DPP6: variants seen among roughly 807,000 people sequenced by gnomAD.
DPP6 encodes the protein dipeptidyl peptidase like 6, also known as A-type potassium channel modulatory protein DPP6.
DPP6 carries 69 observed loss-of-function variants against 122.6 expected under a neutral mutation model. That is an observed-to-expected ratio of 0.56 (90% CI 0.46 to 0.69). The LOEUF is 0.69. DPP6 is among the 30% of genes least tolerant of loss of function. The probability of loss-of-function intolerance (pLI) is 0.00; values close to 1 mark genes in which losing one functional copy is unlikely to be tolerated. For synonymous variants in DPP6, 418 were observed against 433.1 expected, an observed-to-expected ratio of 0.97 and a Z score of 0.43; for missense variants, 928 against 1,116.9, an observed-to-expected ratio of 0.83 and a Z score of 2.41.
At chr7:154,846,013 C>T (rs955725881) in intron 16 of DPP6, among the ~76,000 whole-genome samples, 30 of 152,036 alleles carry the variant, frequency 2.0e-4, no homozygotes, top group African/African-American at 7.2e-4. Flanking sequence ...CCTGCAGGGC[C>T]TCTGTGGAGA....
intron 5 of DPP6, among the ~76,000 whole-genome samples, chr7:154,615,208 C>G (rs79626321): frequency 0.015 from 1,829 of 123,816 alleles, 42 homozygotes; most frequent in African/African-American, 0.045. Context: ...TCCTGACCTG[C>G]AAAATGAGGA....
intron 7 of DPP6, among the ~76,000 whole-genome samples, chr7:154,704,502 C>T (rs1840713747): frequency 6.6e-6 from 1 of 152,130 alleles, no homozygotes; most frequent in Non-Finnish European, 1.5e-5. Flanking sequence ...TACAGGAAAG[C>T]TTTTGTGAAA....
chr7:154,702,648 G>A (rs116906350), intron 7 of DPP6, among the ~76,000 whole-genome samples: 201 of 152,346 alleles, frequency 1.3e-3, no homozygotes, highest in Non-Finnish European at 2.4e-3. Context: ...GGGAGGTAAC[G>A]AGGCTATAGA....
At chr7:154,163,748 C>T (rs555915146) in intron 1 of DPP6, among the ~76,000 whole-genome samples, 1 of 152,254 alleles carries the variant, frequency 6.6e-6, no homozygotes, top group South Asian at 2.1e-4. Context: ...AGTTAATTAG[C>T]CTCTGGAGAA....
At chr7:154,040,610 C>A (rs1285707972) in intron 1 of DPP6, among the ~76,000 whole-genome samples, 1 of 151,000 alleles carries the variant, frequency 6.6e-6, no homozygotes, top group Non-Finnish European at 1.5e-5. Flanking sequence ...CCTAAACACT[C>A]ATCAAATCAT....
At chr7:154,184,682 GAAAA>G (rs11317493) in intron 1 of DPP6, among the ~76,000 whole-genome samples, 1 of 139,944 alleles carries the variant, frequency 7.1e-6, no homozygotes, top group Non-Finnish European at 1.6e-5. Flanking sequence ...TTAATTTCTG[GAAAA>G]AAAAAAAAAA....
intron 1 of DPP6, among the ~76,000 whole-genome samples, chr7:154,021,189 ACT>A (rs1798680818): frequency 1.3e-5 from 2 of 152,052 alleles, no homozygotes; most frequent in African/African-American, 4.8e-5. Context: ...AGGCTTCAGC[ACT>A]CTGCGAACGT....
At chr7:154,300,862 G>A (rs982832598) in intron 1 of DPP6, among the ~76,000 whole-genome samples, 1 of 152,224 alleles carries the variant, frequency 6.6e-6, no homozygotes, top group African/African-American at 2.4e-5. Flanking sequence ...TTAACACCCA[G>A]TGCTTCAGAA....
intron 8 of DPP6, among the ~76,000 whole-genome samples, chr7:154,728,179 G>T (rs1842161651): frequency 6.6e-6 from 1 of 152,194 alleles, no homozygotes; most frequent in East Asian, 1.9e-4. Context: ...AGGGCAGGAG[G>T]CTCGTTAATG....
At position 154,892,487 on chromosome 7, in the gene DPP6, G is replaced by A. The variant is rs1234983121; in HGVS notation, c.*7G>A. ...GGACGAGGAGGAGGACTAAGCTCAG[G>A]TCGCTCTAAGCACAAACGTGGCTCT... On this transcript the variant is annotated 3_prime_UTR_variant, in exon 26 of 26. Transcript: ENST00000377770. 3 of 1,613,652 alleles carry A rather than the reference G, an allele frequency of 1.9e-6. No individual in the cohort carries two copies. Among genetic ancestry groups the A allele is most frequent in the Non-Finnish European group, 8.5e-7 (1 of 1,179,788 alleles).
the DPP6 span, among the ~76,000 whole-genome samples, chr7:153,879,893 T>C: frequency 5.3e-5 from 8 of 152,184 alleles, no homozygotes; most frequent in African/African-American, 1.9e-4. Flanking sequence ...TTTATACATA[T>C]TTTATAGAGG....
At chr7:154,032,368 A>T (rs1799288680) in intron 1 of DPP6, among the ~76,000 whole-genome samples, 1 of 152,110 alleles carries the variant, frequency 6.6e-6, no homozygotes, top group Non-Finnish European at 1.5e-5. Flanking sequence ...AGGAATGGGA[A>T]GGAAATTAGC....
At chr7:154,386,942 G>C in intron 1 of DPP6, among the ~76,000 whole-genome samples, 1 of 68,656 alleles carries the variant, frequency 1.5e-5, no homozygotes, top group African/African-American at 6.2e-5. Context: ...GCTTGAGCAT[G>C]GGTGGGCAGG....
intron 1 of DPP6, among the ~76,000 whole-genome samples, chr7:153,964,367 C>T (rs975425517): frequency 3.3e-5 from 5 of 152,096 alleles, no homozygotes; most frequent in Admixed American, 6.5e-5. Context: ...TTCTGGAAAA[C>T]GTGTGTCTCA....
intron 10 of DPP6, among the ~76,000 whole-genome samples, chr7:154,781,226 A>G (rs1468652563): frequency 6.6e-6 from 1 of 152,176 alleles, no homozygotes; most frequent in East Asian, 1.9e-4. Context: ...AAATAGATAG[A>G]TGGGTGCTGA....
chr7:154,373,443 CCGCTGAGGTG>C (rs1490596090), intron 1 of DPP6, among the ~76,000 whole-genome samples: 1 of 152,140 alleles, frequency 6.6e-6, no homozygotes, highest in East Asian at 1.9e-4. Context: ...GGGCTCCTGG[CCGCTGAGGTG>C]CATTTCACAG....
At chr7:154,097,608 A>C (rs1805421305) in intron 1 of DPP6, among the ~76,000 whole-genome samples, 1 of 152,262 alleles carries the variant, frequency 6.6e-6, no homozygotes, top group Non-Finnish European at 1.5e-5. Context: ...TTATATAATA[A>C]ATTACCCCAA....
intron 4 of DPP6, among the ~76,000 whole-genome samples, chr7:154,545,047 G>C (rs985867642): frequency 6.6e-6 from 1 of 152,194 alleles, no homozygotes; most frequent in Non-Finnish European, 1.5e-5. Context: ...TCCAGAGCTG[G>C]TAATTACAGC....
At chr7:154,867,439 C>T (rs1803981722) in intron 17 of DPP6, among the ~76,000 whole-genome samples, 1 of 152,192 alleles carries the variant, frequency 6.6e-6, no homozygotes, top group Non-Finnish European at 1.5e-5. Context: ...CAGTGTGAAG[C>T]AAGGCTCACA....
Sources: gnomAD v4.1 joint callset for allele counts (sites outside exome capture counted in the v4.1 genomes callset) on GRCh38, gnomAD v4.1.1 for gene constraint, MANE v1.5 for transcripts, NCBI Gene and HGNC (gene_info 2026-07-23, HGNC 2026-07-21) for gene names.